Variants in GCNT2 observed in about 807,000 individuals in gnomAD.
The protein encoded by GCNT2 is glucosaminyl (N-acetyl) transferase 2 (I blood group), also known as N-acetyllactosaminide beta-1,6-N-acetylglucosaminyl-transferase.
A neutral mutation model predicts 34.2 loss-of-function variants in GCNT2; 34 were observed. That is an observed-to-expected ratio of 1.00 (90% CI 0.76 to 1.32). The LOEUF is 1.32. Among genes scored for constraint, GCNT2 ranks in the 40% most tolerant of loss-of-function variants. GCNT2 has a pLI of 0.00. For synonymous variants in GCNT2, 212 were observed against 188.0 expected (o/e 1.13, Z -1.04); for missense variants, 584 against 489.4 (o/e 1.19, Z -1.82).
intron 3 of GCNT2, among the ~76,000 whole-genome samples, chr6:10,612,217 C>G (rs7758961): frequency 0.13 from 19,694 of 152,038 alleles, 2,057 homozygotes; most frequent in African/African-American, 0.29. Flanking sequence ...GAACTCCTGA[C>G]CTCAGGTAAT....
intron 1 of GCNT2, among the ~76,000 whole-genome samples, chr6:10,523,605 T>C (rs1439601885): frequency 6.6e-6 from 1 of 152,106 alleles, no homozygotes; most frequent in Non-Finnish European, 1.5e-5. Flanking sequence ...AGCCCTGAGC[T>C]GAGCACGTTA....
intron 3 of GCNT2, among the ~76,000 whole-genome samples, chr6:10,581,304 CTT>C (rs1193916223): frequency 6.6e-6 from 1 of 151,890 alleles, no homozygotes; most frequent in East Asian, 1.9e-4. Flanking sequence ...GAGTTTTGCT[CTT>C]GTTGCCCAGG....
rs12174381 is a variant in GCNT2, at chr6:10,604,387, A to C, written c.926-16964A>C. Reference sequence around the variant, plus strand: ...AGACTCACAAGGTAAATATGCCAAAATGCTAACACTAGCTAATTTGAGGGA... The same window carrying C: ...AGACTCACAAGGTAAATATGCCAAACTGCTAACACTAGCTAATTTGAGGGA... On this transcript the variant is annotated intron_variant, in intron 3 of 4. Coordinates refer to ENST00000495262, the MANE Select transcript of GCNT2 (RefSeq NM_145649.5). 3.2e-4 allele frequency among the ~76,000 whole-genome samples: 48 copies of C among 152,344 alleles called. 2 individuals carry two copies. In the East Asian group the frequency reaches 8.3e-3, roughly 26 times the overall value.
rs1266624734 is a variant in GCNT2 at position 10,582,495 on chromosome 6, T to C, written c.926-38856T>C. Among the ~76,000 whole-genome samples, 285 of 123,720 alleles carry C rather than the reference T, an allele frequency of 2.3e-3. 2 individuals carry two copies. The highest frequency in any genetic ancestry group is 3.8e-3 in the Middle Eastern group (1 of 266). 81.2% of individuals were successfully genotyped at this position (123,720 alleles called of 152,430 possible). On this transcript the variant is annotated intron_variant, in intron 3 of 4. Coordinates refer to ENST00000495262, the MANE Select transcript of GCNT2 (RefSeq NM_145649.5). ...ATATACTATAATATATACTATAATA[T>C]ATAATATAATACATCATATATTATA...
At chr6:10,576,394 A>G (rs1432133720) in intron 3 of GCNT2, among the ~76,000 whole-genome samples, 1 of 152,206 alleles carries the variant, frequency 6.6e-6, no homozygotes, top group Non-Finnish European at 1.5e-5. Context: ...TGCAGAAGAA[A>G]CACTGATGCC....
In GCNT2 at chr6:10,529,562, C is replaced by T. The variant is rs199904355; in HGVS notation, c.651C>T (p.Pro217=). 4.4e-5 allele frequency: 71 copies of T among 1,614,170 alleles called. No homozygotes were observed. The East Asian group carries it at 6.5e-4, about 15-fold the overall frequency. ...LKGFKGKNIT[P]GVLPPDHAVG... is the part of the protein sequence containing the mutation. The stretch of plus-strand genomic sequence containing the variant: ...GATTTAAAGGGAAAAATATCACCCC[C>T]GGAGTGCTGCCTCCTGACCACGCTG... Residue 217 remains proline, a synonymous_variant, in exon 3 of 5, where the codon CCC becomes CCT. Transcript: ENST00000495262.
chr6:10,550,902 T>C (rs1762452016), intron 3 of GCNT2, among the ~76,000 whole-genome samples: 1 of 152,220 alleles, frequency 6.6e-6, no homozygotes, highest in African/African-American at 2.4e-5. Flanking sequence ...TGCAAACCAC[T>C]AATCAGTACT....
At chr6:10,621,243 GGTAATAAACTGAAAGAAA>G (rs1288679306) in intron 3 of GCNT2, 90 bp from the exon 4 acceptor site, 1 of 748,102 alleles carries the variant, frequency 1.3e-6, no homozygotes. Context: ...AAATGCGAAA[GGTAATAAACTGAAAGAAA>G]GTAAGCCTGA....
At chr6:10,563,080 G>C (rs953419443) in intron 3 of GCNT2, among the ~76,000 whole-genome samples, 1 of 151,826 alleles carries the variant, frequency 6.6e-6, no homozygotes. Flanking sequence ...ACTTGAACCC[G>C]GGAGGCAGAG....
At chr6:10,596,520 CAA>C (rs138414233) in intron 3 of GCNT2, among the ~76,000 whole-genome samples, 1 of 141,490 alleles carries the variant, frequency 7.1e-6, no homozygotes, top group African/African-American at 2.6e-5. Context: ...GACTCCATCT[CAA>C]AAAAAAAAAA....
intron 3 of GCNT2, among the ~76,000 whole-genome samples, chr6:10,564,345 C>T (rs1193431901): frequency 1.3e-5 from 2 of 152,200 alleles, no homozygotes; most frequent in Non-Finnish European, 2.9e-5. Context: ...CTCAGACTCT[C>T]CCCTTTGCAA....
chr6:10,541,105 A>G (rs925723359), intron 3 of GCNT2, among the ~76,000 whole-genome samples: 2 of 152,194 alleles, frequency 1.3e-5, no homozygotes, highest in Non-Finnish European at 2.9e-5. Context: ...CGCACAGATC[A>G]TCCCATCACC....
chr6:10,543,268 A>G (rs1046990398), intron 3 of GCNT2, among the ~76,000 whole-genome samples: 1 of 151,566 alleles, frequency 6.6e-6, no homozygotes, highest in Middle Eastern at 3.4e-3. Context: ...CGGTGGCTCC[A>G]TCTCAGCTCA....
At chr6:10,613,493 C>T (rs944386054) in intron 3 of GCNT2, among the ~76,000 whole-genome samples, 2 of 151,856 alleles carry the variant, frequency 1.3e-5, no homozygotes, top group Admixed American at 6.6e-5. Flanking sequence ...AGAGTCCTGA[C>T]AAAGAATAGT....
At chr6:10,606,179 G>C (rs1245075490) in intron 3 of GCNT2, among the ~76,000 whole-genome samples, 1 of 152,236 alleles carries the variant, frequency 6.6e-6, no homozygotes, top group East Asian at 1.9e-4. Context: ...GCCGGGTGTG[G>C]TGGTGCATGC....
At chr6:10,621,222 C>T in intron 3 of GCNT2, 129 bp from the exon 4 acceptor site, 1 of 710,822 alleles carries the variant, frequency 1.4e-6, no homozygotes, top group Non-Finnish European at 2.5e-6. Context: ...CAGTACATAC[C>T]AATCTGTGTG....
chr6:10,612,266 C>T (rs1160515931), intron 3 of GCNT2, among the ~76,000 whole-genome samples: 2 of 152,034 alleles, frequency 1.3e-5, no homozygotes, highest in South Asian at 2.1e-4. Context: ...AGATTACAGG[C>T]GTGAGCCACC....
intron 3 of GCNT2, among the ~76,000 whole-genome samples, chr6:10,539,953 C>T (rs555492265): frequency 1.8e-3 from 279 of 152,202 alleles, no homozygotes; most frequent in African/African-American, 6.2e-3. Context: ...AGGCGCGTGC[C>T]GGTAGTCCCA....
At chr6:10,569,508 G>A (rs1017824325) in intron 3 of GCNT2, among the ~76,000 whole-genome samples, 3 of 152,028 alleles carry the variant, frequency 2.0e-5, no homozygotes, top group East Asian at 1.9e-4. Context: ...TTTCTTTGAC[G>A]TTTCCTAAAT....
Sources: allele counts gnomAD v4.1 joint callset (sites outside exome capture counted in the v4.1 genomes callset), GRCh38; gene constraint gnomAD v4.1.1; transcripts MANE v1.5; gene names NCBI Gene and HGNC (gene_info 2026-07-23, HGNC 2026-07-21).